The following RSU1 variants were observed in gnomAD, a reference collection of about 807,000 sequenced individuals.
RSU1 encodes the protein Ras suppressor protein 1, also known as rsu-1.
A neutral mutation model predicts 31.1 loss-of-function variants in RSU1; 26 were observed. That is an observed-to-expected ratio of 0.84 (90% CI 0.61 to 1.16). The LOEUF (loss-of-function observed/expected upper bound fraction) is 1.16. RSU1 is among the 50% of genes most tolerant of loss of function. The probability of loss-of-function intolerance (pLI) is 0.00; values close to 1 mark genes in which losing one functional copy is unlikely to be tolerated. For synonymous variants in RSU1, 164 were observed against 136.3 expected, an observed-to-expected ratio of 1.20 and a Z score of -1.41; for missense variants, 320 against 339.1, an observed-to-expected ratio of 0.94 and a Z score of 0.44.
intron 8 of RSU1, among the ~76,000 whole-genome samples, chr10:16,693,312 G>A (rs1313745965): frequency 6.6e-6 from 1 of 152,158 alleles, no homozygotes. Context: ...CATGGCCACA[G>A]CAAGTGCTAA....
intron 8 of RSU1, among the ~76,000 whole-genome samples, chr10:16,658,756 C>T (rs1834834384): frequency 6.6e-6 from 1 of 152,054 alleles, no homozygotes; most frequent in South Asian, 2.1e-4. Flanking sequence ...TATTTTGGTG[C>T]TCGTTAAGAA....
At chr10:16,604,617 T>G (rs867478570) in intron 8 of RSU1, among the ~76,000 whole-genome samples, 1 of 152,182 alleles carries the variant, frequency 6.6e-6, no homozygotes, top group Non-Finnish European at 1.5e-5. Flanking sequence ...CTGCCTGGAA[T>G]GCTCATCTCA....
At chr10:16,685,100 A>T (rs1243750137) in intron 8 of RSU1, among the ~76,000 whole-genome samples, 6 of 152,114 alleles carry the variant, frequency 3.9e-5, no homozygotes, top group Admixed American at 2.0e-4. Flanking sequence ...ACACAAAAAA[A>T]TTAGCTGGGC....
intron 7 of RSU1, among the ~76,000 whole-genome samples, chr10:16,701,448 T>C (rs7078011): frequency 0.97 from 148,098 of 152,340 alleles, 72,007 homozygotes; most frequent in Middle Eastern, 1. Context: ...CTGTGGGGAA[T>C]GCAAGGCCAC....
intron 8 of RSU1, among the ~76,000 whole-genome samples, chr10:16,661,652 T>C (rs1834893320): frequency 6.6e-6 from 1 of 152,194 alleles, no homozygotes; most frequent in African/African-American, 2.4e-5. Flanking sequence ...CTTCCTTTCT[T>C]GGTAGGCTAA....
chr10:16,639,116 G>C (rs1446082698), intron 8 of RSU1, among the ~76,000 whole-genome samples: 1 of 152,164 alleles, frequency 6.6e-6, no homozygotes, highest in African/African-American at 2.4e-5. Flanking sequence ...TGGATATCAT[G>C]TAAATGGAAC....
At chr10:16,640,315 A>G (rs1192214582) in intron 8 of RSU1, among the ~76,000 whole-genome samples, 1 of 151,888 alleles carries the variant, frequency 6.6e-6, no homozygotes, top group Non-Finnish European at 1.5e-5. Flanking sequence ...GGTGCTGCCA[A>G]ATTCTCAACC....
chr10:16,673,379 T>A (rs1056487913), intron 8 of RSU1, among the ~76,000 whole-genome samples: 3 of 152,202 alleles, frequency 2.0e-5, no homozygotes, highest in Non-Finnish European at 4.4e-5. Context: ...GTGCCATACA[T>A]AATTAAAATG....
At chr10:16,601,177 A>G (rs1348681409) in intron 8 of RSU1, among the ~76,000 whole-genome samples, 2 of 152,100 alleles carry the variant, frequency 1.3e-5, no homozygotes, top group African/African-American at 4.8e-5. Context: ...TGAATCCCCA[A>G]AAGGCAGGGA....
At chr10:16,778,508 T>C (rs1388038623) in intron 3 of RSU1, among the ~76,000 whole-genome samples, 2 of 152,220 alleles carry the variant, frequency 1.3e-5, no homozygotes, top group South Asian at 2.1e-4. Flanking sequence ...AAATGATCCA[T>C]GCTTCCACAA....
intron 7 of RSU1, among the ~76,000 whole-genome samples, chr10:16,724,986 G>C (rs983372127): frequency 2.6e-5 from 4 of 152,222 alleles, no homozygotes; most frequent in South Asian, 4.1e-4. Flanking sequence ...ATTAGAAGCT[G>C]AAGAAGTAGC....
intron 8 of RSU1, among the ~76,000 whole-genome samples, chr10:16,673,575 G>A (rs1835161446): frequency 6.6e-6 from 1 of 152,214 alleles, no homozygotes; most frequent in South Asian, 2.1e-4. Flanking sequence ...TCTGTGTGGA[G>A]AAAAGCCAAA....
intron 7 of RSU1, among the ~76,000 whole-genome samples, chr10:16,695,576 C>T (rs1018993692): frequency 5.3e-5 from 8 of 152,098 alleles, no homozygotes; most frequent in African/African-American, 1.7e-4. Context: ...ATCAAGACAG[C>T]GTATGAATGG....
At chr10:16,769,248 A>T (rs1425368444) in intron 3 of RSU1, among the ~76,000 whole-genome samples, 1 of 152,242 alleles carries the variant, frequency 6.6e-6, no homozygotes, top group Admixed American at 6.5e-5. Flanking sequence ...GCATTTTAGG[A>T]GTTTATACAA....
chr10:16,766,538 A>C (rs1837319246), intron 3 of RSU1, among the ~76,000 whole-genome samples: 1 of 152,190 alleles, frequency 6.6e-6, no homozygotes. Context: ...AACACGGTGC[A>C]ACTCTGACTC....
intron 3 of RSU1, among the ~76,000 whole-genome samples, chr10:16,778,230 A>G (rs6602158): frequency 0.039 from 5,959 of 151,920 alleles, 317 homozygotes; most frequent in African/African-American, 0.12. Context: ...GTATCTTTAG[A>G]GCATCACGCT....
chr10:16,670,745 T>C (rs1430818407), intron 8 of RSU1, among the ~76,000 whole-genome samples: 1 of 152,102 alleles, frequency 6.6e-6, no homozygotes, highest in African/African-American at 2.4e-5. Flanking sequence ...TCAGTACTGG[T>C]CAGCACCATG....
chr10:16,631,572 CT>C (rs1342303407), intron 8 of RSU1, among the ~76,000 whole-genome samples: 1 of 152,240 alleles, frequency 6.6e-6, no homozygotes, highest in African/African-American at 2.4e-5. Context: ...TTAACAAAAA[CT>C]CCCTCATTTA....
chr10:16,600,664 C>T (rs578045815), intron 8 of RSU1, among the ~76,000 whole-genome samples: 100 of 151,674 alleles, frequency 6.6e-4, no homozygotes, highest in Non-Finnish European at 9.4e-4. Flanking sequence ...TGTGCTCAAG[C>T]GATCCTCCTG....
Sources: allele counts gnomAD v4.1 joint callset (sites outside exome capture counted in the v4.1 genomes callset), GRCh38; gene constraint gnomAD v4.1.1; transcripts MANE v1.5; gene names NCBI Gene and HGNC (gene_info 2026-07-23, HGNC 2026-07-21).